Variants in NAALADL2 observed in about 807,000 individuals in gnomAD.
The protein encoded by NAALADL2 is inactive N-acetylated-alpha-linked acidic dipeptidase-like protein 2.
In NAALADL2, 76 loss-of-function variants were observed where a neutral mutation model predicts 87.2. That is an observed-to-expected ratio of 0.87 (90% CI 0.72 to 1.05). The LOEUF (loss-of-function observed/expected upper bound fraction) is 1.05, where lower values mean the gene tolerates loss of function less well. Ranked by LOEUF, NAALADL2 falls within the 50% of genes least tolerant of loss-of-function variation. The probability of loss-of-function intolerance (pLI) is 0.00; values close to 1 mark genes in which losing one functional copy is unlikely to be tolerated. For synonymous variants in NAALADL2, 354 were observed against 331.0 expected, an observed-to-expected ratio of 1.07 and a Z score of -0.75; for missense variants, 1,089 against 945.8, an observed-to-expected ratio of 1.15 and a Z score of -1.99.
At chr3:175,268,407 G>A (rs1031150341) in intron 4 of NAALADL2, among the ~76,000 whole-genome samples, 1 of 152,146 alleles carries the variant, frequency 6.6e-6, no homozygotes, top group African/African-American at 2.4e-5. Context: ...GTTGCTCTAG[G>A]TGTCAGTGAG....
At chr3:174,494,938 G>T (rs1037399905) in intron 1 of NAALADL2, among the ~76,000 whole-genome samples, 1 of 152,134 alleles carries the variant, frequency 6.6e-6, no homozygotes, top group Non-Finnish European at 1.5e-5. Context: ...TTCAGATGGA[G>T]AATTTGCTTT....
intron 2 of NAALADL2, among the ~76,000 whole-genome samples, chr3:174,614,554 C>G (rs572194350): frequency 2.0e-5 from 3 of 152,204 alleles, no homozygotes; most frequent in Non-Finnish European, 4.4e-5. Context: ...CTCCACCACA[C>G]TGCCACTGTC....
intron 1 of NAALADL2, among the ~76,000 whole-genome samples, chr3:175,093,828 C>G (rs949867065): frequency 1.3e-5 from 2 of 151,810 alleles, no homozygotes; most frequent in Admixed American, 6.6e-5. Context: ...GGGTGTCAGG[C>G]AGATATCCAT....
intron 9 of NAALADL2, among the ~76,000 whole-genome samples, chr3:175,519,838 A>G (rs963326742): frequency 4.6e-5 from 7 of 152,214 alleles, no homozygotes; most frequent in Non-Finnish European, 1.0e-4. Flanking sequence ...CATTACATTC[A>G]TATCTTTTCT....
chr3:175,259,436 G>A (rs895518276), intron 4 of NAALADL2, among the ~76,000 whole-genome samples: 5 of 152,108 alleles, frequency 3.3e-5, no homozygotes, highest in African/African-American at 7.2e-5. Flanking sequence ...AATAGTCAGA[G>A]GAATAGTGGG....
At chr3:174,678,973 G>T (rs1227826721) in intron 2 of NAALADL2, among the ~76,000 whole-genome samples, 2 of 151,786 alleles carry the variant, frequency 1.3e-5, no homozygotes, top group African/African-American at 4.8e-5. Context: ...CTTTCTTTTT[G>T]TTCTGCAGAT....
chr3:174,829,519 T>C (rs1297114235), intron 3 of NAALADL2, among the ~76,000 whole-genome samples: 3 of 136,428 alleles, frequency 2.2e-5, no homozygotes, highest in South Asian at 2.3e-4. Context: ...CTATCATTGT[T>C]GGACATTTGG....
intron 1 of NAALADL2, among the ~76,000 whole-genome samples, chr3:174,443,110 T>C (rs1403129684): frequency 2.0e-5 from 3 of 152,154 alleles, no homozygotes; most frequent in Admixed American, 6.5e-5. Flanking sequence ...TTGAAGCCAT[T>C]TGGAGGCCAT....
At chr3:175,130,156 G>T (rs1467390943) in intron 2 of NAALADL2, among the ~76,000 whole-genome samples, 1 of 151,810 alleles carries the variant, frequency 6.6e-6, no homozygotes. Context: ...AAATCACATT[G>T]TTTGTTGTCT....
chr3:174,775,966 G>C (rs1252134403), intron 3 of NAALADL2, among the ~76,000 whole-genome samples: 1 of 152,164 alleles, frequency 6.6e-6, no homozygotes, highest in Non-Finnish European at 1.5e-5. Flanking sequence ...CATAGACACT[G>C]AGGATGCTGA....
intron 1 of NAALADL2, among the ~76,000 whole-genome samples, chr3:174,454,937 G>T (rs544811094): frequency 2.7e-5 from 4 of 150,258 alleles, no homozygotes; most frequent in African/African-American, 7.4e-5. Flanking sequence ...AAAGATCAAT[G>T]AATCCAGGAG....
intron 1 of NAALADL2, among the ~76,000 whole-genome samples, chr3:175,025,769 G>C (rs1484308644): frequency 6.6e-6 from 1 of 151,982 alleles, no homozygotes; most frequent in Admixed American, 6.6e-5. Flanking sequence ...CCTCCATCTT[G>C]GTTTCATCTC....
chr3:174,871,020 A>G lies in NAALADL2; in HGVS notation c.43+11570A>G, dbSNP rs186449253. ...ATTCCTGACACTTTTATTGAAGGTG[A>G]TAAAGCTCTGAACAAGTAGTTGAAA... is the stretch of plus-strand genomic sequence containing the variant. On this transcript the variant is annotated intron_variant, in intron 1 of 13. Transcript: ENST00000454872. 5.7e-4 allele frequency among the ~76,000 whole-genome samples: 87 copies of G among 152,324 alleles called. 1 individual carries two copies. The highest frequency in any genetic ancestry group is 3.9e-4 in the Admixed American group (6 of 15,302).
chr3:175,534,968 G>A (rs544647295), intron 9 of NAALADL2, among the ~76,000 whole-genome samples: 1 of 151,680 alleles, frequency 6.6e-6, no homozygotes, highest in East Asian at 1.9e-4. Flanking sequence ...TTGTTCAGAA[G>A]TCCTCAGGGT....
intron 11 of NAALADL2, among the ~76,000 whole-genome samples, chr3:175,646,496 A>AT (rs892596518): frequency 1.3e-5 from 2 of 151,998 alleles, no homozygotes; most frequent in Non-Finnish European, 2.9e-5. Flanking sequence ...GCATGTAGTC[A>AT]TTTTTTTCTT....
chr3:174,885,511 A>G (rs1729981970), intron 1 of NAALADL2, among the ~76,000 whole-genome samples: 1 of 152,160 alleles, frequency 6.6e-6, no homozygotes, highest in African/African-American at 2.4e-5. Flanking sequence ...CCCACGAATG[A>G]TGAATCAAGA....
rs1718441788 is a variant in NAALADL2, at chr3:175,435,348, A to G, written c.1091-11881A>G. On this transcript the variant is annotated intron_variant, in intron 5 of 13. Coordinates refer to ENST00000454872, the MANE Select transcript of NAALADL2 (RefSeq NM_207015.3). ...TACTAAAGCAATAGAAACCATTTAA[A>G]GTAAGTTTGAAAATATATTCTCATA... Among the ~76,000 whole-genome samples the G allele has an allele frequency of 2.0e-5, 3 of 152,066 alleles. No individual in the cohort carries two copies. The South Asian group carries it at 6.2e-4, about 31-fold the overall frequency.
chr3:175,588,534 CTTTTTTTTT>C (rs1168817019), intron 10 of NAALADL2, among the ~76,000 whole-genome samples: 1 of 78,142 alleles, frequency 1.3e-5, no homozygotes, highest in Non-Finnish European at 2.4e-5. Flanking sequence ...TCTTTCTTTT[CTTTTTTTTT>C]TTTTTTTTTT....
rs186281061 is a variant in NAALADL2, at chr3:174,557,424, T to C, written c.-115+6787T>C. On this transcript the variant is annotated intron_variant, in intron 2 of 3. Coordinates refer to the NAALADL2 transcript ENST00000434257. ...TCAGGGGTCTGTTACACTTTTGATGTGTTTTATTAATATCATAAATATCTG... is the reference window on the plus strand; with the variant it reads ...TCAGGGGTCTGTTACACTTTTGATGCGTTTTATTAATATCATAAATATCTG... 9.2e-5 allele frequency among the ~76,000 whole-genome samples: 14 copies of C among 152,346 alleles called. No homozygotes were observed. The East Asian group carries it at 2.5e-3, about 27-fold the overall frequency.
Sources: gnomAD v4.1 joint callset for allele counts (sites outside exome capture counted in the v4.1 genomes callset) on GRCh38, gnomAD v4.1.1 for gene constraint, MANE v1.5 for transcripts, NCBI Gene and HGNC (gene_info 2026-07-23, HGNC 2026-07-21) for gene names.